Variants in SPAG17 observed in about 807,000 individuals in gnomAD.
SPAG17 encodes the protein sperm associated antigen 17.
Under a neutral mutation model 273.6 loss-of-function variants are expected in SPAG17, and 169 were observed. That is an observed-to-expected ratio of 0.62 (90% CI 0.55 to 0.70). The LOEUF is 0.70. Among genes scored for constraint, SPAG17 ranks in the 30% least tolerant of loss-of-function variants. The probability of loss-of-function intolerance (pLI) is 0.00; values close to 1 mark genes in which losing one functional copy is unlikely to be tolerated. For synonymous variants in SPAG17, 825 were observed against 873.2 expected (o/e 0.94, Z 0.97); for missense variants, 2,557 against 2,627.8 (o/e 0.97, Z 0.59).
intron 2 of SPAG17, 119 bp from the exon 3 acceptor site, chr1:118,150,748 G>A (rs1175730835): frequency 3.5e-6 from 2 of 568,108 alleles, no homozygotes; most frequent in African/African-American, 3.9e-5. Flanking sequence ...CAAGAAAGAG[G>A]TACCCATGAA....
At chr1:118,172,662 G>C (rs1660471243) in intron 1 of SPAG17, among the ~76,000 whole-genome samples, 1 of 152,084 alleles carries the variant, frequency 6.6e-6, no homozygotes, top group Admixed American at 6.6e-5. Flanking sequence ...GGCAATCCTG[G>C]TATTCTGAAG....
At chr1:117,969,701 A>G (rs1654330437) in intron 46 of SPAG17, among the ~76,000 whole-genome samples, 1 of 152,224 alleles carries the variant, frequency 6.6e-6, no homozygotes. Flanking sequence ...AGAACGGAAT[A>G]ATTATTTTTC....
rs1315816590 is a variant in SPAG17, at chr1:118,050,934, C to T, written c.2814+3068G>A. ...AAAACCTTCTGCACAACAAAGAAAA[C>T]AATCAACAAAGCGAAGAAATAACCT... On this transcript the variant is annotated intron_variant, in intron 20 of 48. Coordinates refer to ENST00000336338, the MANE Select transcript of SPAG17 (RefSeq NM_206996.4). 6.0e-4 allele frequency among the ~76,000 whole-genome samples: 91 copies of T among 151,998 alleles called. 1 individual carries two copies. The highest frequency in any genetic ancestry group is 2.1e-3 in the African/African-American group (86 of 41,360).
chr1:118,166,178 C>A (rs1660163489), intron 1 of SPAG17, among the ~76,000 whole-genome samples: 1 of 152,042 alleles, frequency 6.6e-6, no homozygotes, highest in Non-Finnish European at 1.5e-5. Context: ...AGTGTCTATG[C>A]CACCCAAACC....
chr1:117,999,788 A>C (rs1189376369), intron 32 of SPAG17, among the ~76,000 whole-genome samples: 1 of 152,038 alleles, frequency 6.6e-6, no homozygotes, highest in Non-Finnish European at 1.5e-5. Context: ...GTTCACTCTG[A>C]TGGTAGTTTC....
intron 8 of SPAG17, among the ~76,000 whole-genome samples, chr1:118,092,228 A>G (rs1009319511): frequency 1.3e-5 from 2 of 152,170 alleles, no homozygotes; most frequent in Non-Finnish European, 1.5e-5. Context: ...GAACCCACTG[A>G]GCAATTGTGG....
intron 29 of SPAG17, among the ~76,000 whole-genome samples, chr1:118,012,824 G>A (rs566795954): frequency 4.6e-5 from 7 of 152,360 alleles, no homozygotes; most frequent in African/African-American, 1.4e-4. Flanking sequence ...CAAGTGTCGG[G>A]CTAATGTCAT....
intron 1 of SPAG17, among the ~76,000 whole-genome samples, chr1:118,160,562 C>T (rs1659860412): frequency 6.6e-6 from 1 of 152,210 alleles, no homozygotes; most frequent in Non-Finnish European, 1.5e-5. Context: ...TCATTTATCC[C>T]TTGTTTACTA....
In SPAG17 at chr1:118,081,604, C is replaced by T. The variant is rs371296522; in HGVS notation, c.1801G>A (p.Val601Met). The change falls in exon 14 of 49, where the codon GTG (valine) becomes ATG (methionine). Residue 601 changes from valine (V) to methionine (M), a missense_variant. By Grantham distance (21) the Val-to-Met change is conservative (BLOSUM62 1). Transcript: ENST00000336338. ...AGCTTCAGGCTCTCAAAAGTAAACA[C>T]CTTGAAGGCTCGTTCTACTTCATTC... Reference protein sequence around the residue: ...SWNEVERAFKVFTFESLKLSE... With the variant: ...SWNEVERAFKMFTFESLKLSE... 6.8e-6 allele frequency: 11 copies of T among 1,613,846 alleles called. No individual in the cohort carries two copies. In the Admixed American group the frequency reaches 1.0e-4, roughly 15 times the overall value.
intron 3 of SPAG17, among the ~76,000 whole-genome samples, chr1:118,146,910 C>T (rs1312368000): frequency 6.6e-6 from 1 of 152,114 alleles, no homozygotes; most frequent in East Asian, 1.9e-4. Context: ...CTATCAGGAC[C>T]TTTCCTTTCA....
intron 3 of SPAG17, among the ~76,000 whole-genome samples, chr1:118,139,275 C>A (rs913789544): frequency 1.3e-5 from 2 of 152,086 alleles, no homozygotes; most frequent in Admixed American, 6.5e-5. Context: ...TCATCTCACA[C>A]CTGTCAGATA....
At position 117,991,419 on chromosome 1, in the gene SPAG17, A is replaced by T. The variant is rs967672145; in HGVS notation, c.5471T>A (p.Val1824Asp). The T allele has an allele frequency of 1.9e-6, 3 of 1,584,444 alleles. No homozygotes were observed. The highest frequency in any genetic ancestry group is 2.6e-6 in the Non-Finnish European group (3 of 1,164,544). Reference sequence around the variant, plus strand: ...GTATACAAGGCATTTTCTCACCATAACCAGCTTGAGGAGATCAGCAGCATT... The same window carrying T: ...GTATACAAGGCATTTTCTCACCATATCCAGCTTGAGGAGATCAGCAGCATT... ...RGNAADLLKL[V>D]MSFPKMEETT... Residue 1824 changes from valine (V) to aspartate (D), a missense_variant, in exon 37 of 49, where the codon GTT (valine) becomes GAT (aspartate). Val to Asp is a radical substitution (Grantham distance 152). Transcript: ENST00000336338.
At position 118,156,684 on chromosome 1, in the gene SPAG17, C is replaced by T. The variant is rs573151937; in HGVS notation, c.88-5315G>A. ...AATCTGCATTGCCTATAAAACCATT[C>T]CTCCCCTCTCTCTCCTTCCTACTTT... On this transcript the variant is annotated intron_variant, in intron 1 of 48. Transcript: ENST00000336338. Among the ~76,000 whole-genome samples, 14 of 152,312 alleles carry T rather than the reference C, an allele frequency of 9.2e-5. No individual in the cohort carries two copies. The South Asian group carries it at 2.9e-3, about 32-fold the overall frequency.
At chr1:118,028,592 G>T (rs190910490) in intron 25 of SPAG17, among the ~76,000 whole-genome samples, 198 bp from the exon 26 acceptor site, 71 of 152,252 alleles carry the variant, frequency 4.7e-4, no homozygotes, top group African/African-American at 1.6e-3. Context: ...GAGACAAATG[G>T]CAGTAACAAC....
intron 12 of SPAG17, 76 bp downstream of exon 12, chr1:118,086,595 T>G (rs1350076140): frequency 8.2e-7 from 1 of 1,220,162 alleles, no homozygotes; most frequent in Non-Finnish European, 1.2e-6. Flanking sequence ...GTTATCTAAT[T>G]AGCTTCTTTC....
intron 20 of SPAG17, among the ~76,000 whole-genome samples, chr1:118,047,860 C>A (rs1407311475): frequency 6.6e-6 from 1 of 152,166 alleles, no homozygotes; most frequent in Non-Finnish European, 1.5e-5. Flanking sequence ...GCCAGGCCAA[C>A]CCCTGTGGCA....
chr1:118,129,435 G>C (rs770141042), intron 3 of SPAG17, among the ~76,000 whole-genome samples: 10 of 152,168 alleles, frequency 6.6e-5, no homozygotes, highest in East Asian at 1.9e-4. Context: ...TGAAACTCTG[G>C]GGGTAGGGCC....
At chr1:118,013,319 A>G (rs1353506965) in intron 29 of SPAG17, among the ~76,000 whole-genome samples, 4 of 152,110 alleles carry the variant, frequency 2.6e-5, no homozygotes, top group African/African-American at 7.2e-5. Flanking sequence ...GGAGCAGGTG[A>G]TTTTCACCTG....
intron 1 of SPAG17, among the ~76,000 whole-genome samples, chr1:118,157,733 T>A (rs891288678): frequency 6.6e-6 from 1 of 152,210 alleles, no homozygotes; most frequent in Non-Finnish European, 1.5e-5. Flanking sequence ...CTGGGCAAGT[T>A]ACTTAACTTC....
Sources: gnomAD v4.1 joint callset for allele counts (sites outside exome capture counted in the v4.1 genomes callset) on GRCh38, gnomAD v4.1.1 for gene constraint, MANE v1.5 for transcripts, NCBI Gene and HGNC (gene_info 2026-07-23, HGNC 2026-07-21) for gene names.